Variants in CDH8 observed in about 807,000 individuals in gnomAD.
CDH8 encodes the protein cadherin-8.
Under a neutral mutation model 68.1 loss-of-function variants are expected in CDH8, and 17 were observed. The observed-to-expected ratio is 0.25, with a 90% CI of 0.17 to 0.37. The LOEUF is 0.37. CDH8 is among the 10% of genes least tolerant of loss of function. CDH8 has a pLI of 1.00. For missense variants in CDH8, 763 were observed against 999.3 expected, an observed-to-expected ratio of 0.76 and a Z score of 3.19; for synonymous variants, 372 against 365.1, an observed-to-expected ratio of 1.02 and a Z score of -0.21.
chr16:61,700,004 G>A (rs1964393041), intron 10 of CDH8, among the ~76,000 whole-genome samples: 1 of 152,126 alleles, frequency 6.6e-6, no homozygotes, highest in Non-Finnish European at 1.5e-5. Context: ...ATGTTGTAAT[G>A]TTCCCAAAAT....
chr16:61,811,298 G>A (rs908163937), intron 7 of CDH8, among the ~76,000 whole-genome samples: 4 of 152,096 alleles, frequency 2.6e-5, no homozygotes, highest in African/African-American at 9.7e-5. Context: ...AGTTGAATTC[G>A]CAGGTATAGT....
chr16:61,872,793 G>T (rs976251949), intron 3 of CDH8, among the ~76,000 whole-genome samples: 1 of 152,068 alleles, frequency 6.6e-6, no homozygotes, highest in Admixed American at 6.6e-5. Flanking sequence ...TTTATTTTTG[G>T]TTTTTATTTT....
In CDH8 at chr16:61,783,552, G is replaced by C. The variant is rs1410230144; in HGVS notation, c.1414+5794C>G. Among the ~76,000 whole-genome samples the C allele has an allele frequency of 1.1e-4, 16 of 151,166 alleles. No homozygotes were observed. In the South Asian group the frequency reaches 3.4e-3, roughly 32 times the overall value. On this transcript the variant is annotated intron_variant, in intron 8 of 11. Transcript: ENST00000577390. ...AGGAGAACTTCCGCAATCTAGCAAGGCAGGCCAACGTTCAGATTCAGGAAA... is the reference window on the plus strand; with the variant it reads ...AGGAGAACTTCCGCAATCTAGCAAGCCAGGCCAACGTTCAGATTCAGGAAA...
intron 8 of CDH8, among the ~76,000 whole-genome samples, chr16:61,739,090 C>G (rs1959788107): frequency 6.6e-6 from 1 of 152,104 alleles, no homozygotes; most frequent in African/African-American, 2.4e-5. Context: ...TAATTCTACT[C>G]TGCCAACTGA....
At chr16:61,662,681 T>A (rs60748848) in intron 10 of CDH8, among the ~76,000 whole-genome samples, 1,596 of 151,958 alleles carry the variant, frequency 0.011, 31 homozygotes, top group African/African-American at 0.036. Flanking sequence ...TACAATCAAC[T>A]ATATCTATAT....
At chr16:61,782,663 T>A (rs889304448) in intron 8 of CDH8, among the ~76,000 whole-genome samples, 69 of 152,182 alleles carry the variant, frequency 4.5e-4, no homozygotes, top group Middle Eastern at 3.4e-3. Context: ...AAGACAGCAG[T>A]AACCTCTGCA....
chr16:61,995,849 T>A (rs1167104212), intron 2 of CDH8, among the ~76,000 whole-genome samples: 2 of 152,182 alleles, frequency 1.3e-5, no homozygotes, highest in African/African-American at 4.8e-5. Flanking sequence ...GCTTTCAACT[T>A]CACAAGCTTA....
chr16:61,697,771 G>A (rs1048523556), intron 10 of CDH8, among the ~76,000 whole-genome samples: 20 of 152,302 alleles, frequency 1.3e-4, no homozygotes, highest in Middle Eastern at 3.4e-3. Flanking sequence ...GATAACAGGC[G>A]TAAGCCATTG....
intron 3 of CDH8, among the ~76,000 whole-genome samples, chr16:61,881,087 C>A (rs1233976763): frequency 6.6e-6 from 1 of 152,088 alleles, no homozygotes; most frequent in Non-Finnish European, 1.5e-5. Flanking sequence ...GAGACCTCGT[C>A]CCTGGATGAA....
intron 2 of CDH8, among the ~76,000 whole-genome samples, chr16:61,977,519 C>A (rs566215201): frequency 6.6e-6 from 1 of 152,060 alleles, no homozygotes; most frequent in Admixed American, 6.5e-5. Flanking sequence ...AAGTGTGAGT[C>A]TGAGGTTAAG....
intron 8 of CDH8, among the ~76,000 whole-genome samples, chr16:61,768,771 G>T (rs1387690192): frequency 6.6e-6 from 1 of 151,532 alleles, no homozygotes; most frequent in Non-Finnish European, 1.5e-5. Flanking sequence ...CGTTTTACAG[G>T]TAATAAGCTG....
intron 3 of CDH8, among the ~76,000 whole-genome samples, chr16:61,900,936 C>T (rs937391914): frequency 6.6e-6 from 1 of 152,138 alleles, no homozygotes; most frequent in Non-Finnish European, 1.5e-5. Flanking sequence ...ACAAATTCAG[C>T]TTATTGAAGT....
intron 7 of CDH8, among the ~76,000 whole-genome samples, chr16:61,804,632 G>C (rs1961754119): frequency 6.7e-6 from 1 of 149,360 alleles, no homozygotes; most frequent in African/African-American, 2.5e-5. Flanking sequence ...AATGATAAAG[G>C]GGATATCACC....
chr16:61,838,098 A>T (rs538521503), intron 4 of CDH8, among the ~76,000 whole-genome samples: 1 of 152,212 alleles, frequency 6.6e-6, no homozygotes, highest in Admixed American at 6.5e-5. Context: ...TTTTCCAAAG[A>T]TTAAGTGGCT....
At chr16:61,859,315 G>C (rs1479747762) in intron 3 of CDH8, among the ~76,000 whole-genome samples, 1 of 152,134 alleles carries the variant, frequency 6.6e-6, no homozygotes, top group Non-Finnish European at 1.5e-5. Flanking sequence ...AACCTTCTAG[G>C]TAAAAGGAAG....
At chr16:61,933,617 G>C (rs1306525027) in intron 2 of CDH8, among the ~76,000 whole-genome samples, 2 of 152,208 alleles carry the variant, frequency 1.3e-5, no homozygotes, top group South Asian at 2.1e-4. Flanking sequence ...AGCCCAAATG[G>C]AGAGACAGTG....
chr16:61,800,450 A>G (rs1961595777), intron 7 of CDH8, among the ~76,000 whole-genome samples: 1 of 152,108 alleles, frequency 6.6e-6, no homozygotes, highest in Non-Finnish European at 1.5e-5. Context: ...CCTCTTCCAT[A>G]CTTGTTCTGT....
chr16:61,715,217 A>G (rs945548118), intron 9 of CDH8, among the ~76,000 whole-genome samples: 2 of 151,768 alleles, frequency 1.3e-5, no homozygotes, highest in East Asian at 3.9e-4. Flanking sequence ...TGTCTTATAA[A>G]TAATTATAAT....
At chr16:62,023,538 T>A (rs1902123992) in intron 1 of CDH8, among the ~76,000 whole-genome samples, 1 of 152,160 alleles carries the variant, frequency 6.6e-6, no homozygotes, top group Non-Finnish European at 1.5e-5. Context: ...TAAACTGGAA[T>A]CCACGTGGTT....
Sources: allele counts gnomAD v4.1 joint callset (sites outside exome capture counted in the v4.1 genomes callset), GRCh38; gene constraint gnomAD v4.1.1; transcripts MANE v1.5; gene names NCBI Gene and HGNC (gene_info 2026-07-23, HGNC 2026-07-21).